GNL3L: variants seen among roughly 807,000 people sequenced by gnomAD.
GNL3L encodes guanine nucleotide-binding protein-like 3-like protein.
Under a neutral mutation model 42.9 loss-of-function variants are expected in GNL3L, and 4 were observed. The observed-to-expected ratio is 0.09, with a 90% CI of 0.05 to 0.21. GNL3L has a LOEUF of 0.21. Ranked by LOEUF, GNL3L falls within the 10% of genes least tolerant of loss-of-function variation. GNL3L has a pLI of 1.00. For synonymous variants in GNL3L, 159 were observed against 176.3 expected (o/e 0.90, Z 0.78); for missense variants, 412 against 481.7 (o/e 0.86, Z 1.36).
In GNL3L at chrX:54,565,479, T is replaced by A. The variant is rs1346657983; in HGVS notation, c.*4877T>A. 1.8e-5 allele frequency among the ~76,000 whole-genome samples: 2 copies of A among 111,716 alleles called. No homozygotes were observed. The highest frequency in any genetic ancestry group is 6.5e-5 in the African/African-American group (2 of 30,759). On this transcript the variant is annotated 3_prime_UTR_variant, in exon 16 of 16. Transcript: ENST00000360845. Reference sequence around the variant, plus strand: ...ACTTGGGGGTGTCAGTTTAGTTTTTTAATTTTTAAATTTTTTAATTTTTTT... The same window carrying A: ...ACTTGGGGGTGTCAGTTTAGTTTTTAAATTTTTAAATTTTTTAATTTTTTT...
intron 15 of GNL3L, among the ~76,000 whole-genome samples, chrX:54,559,247 C>G (rs1043936058): frequency 3.6e-5 from 4 of 111,504 alleles, no homozygotes; most frequent in African/African-American, 9.8e-5. Context: ...AACCACTGGC[C>G]TGCCTAGTCT....
At chrX:54,635,925 T>C in the GNL3L span, among the ~76,000 whole-genome samples, 1 of 111,107 alleles carries the variant, frequency 9.0e-6, no homozygotes, top group Non-Finnish European at 1.9e-5. Flanking sequence ...GTGTGGAGCA[T>C]GCACATGGCT....
the GNL3L span, among the ~76,000 whole-genome samples, chrX:54,637,174 C>G: frequency 1.8e-5 from 2 of 111,583 alleles, no homozygotes; most frequent in Non-Finnish European, 3.8e-5. Flanking sequence ...TTGGAGCTGC[C>G]TACTTCACCA....
At chrX:54,541,139 T>G (rs1443898785) in intron 4 of GNL3L, 134 bp from the exon 5 acceptor site, 1 of 457,045 alleles carries the variant, frequency 2.2e-6, no homozygotes, top group African/African-American at 2.4e-5. Flanking sequence ...TCTCCTGATG[T>G]CATATCTTCC....
intron 4 of GNL3L, 124 bp from the exon 5 acceptor site, chrX:54,541,149 C>T: frequency 4.3e-6 from 2 of 467,928 alleles, no homozygotes; most frequent in East Asian, 7.1e-5. Context: ...TCATATCTTC[C>T]CTCTCCCTGG....
At chrX:54,624,109 C>T (rs144221429), downstream of GNL3L, among the ~76,000 whole-genome samples, 643 of 110,959 alleles carry the variant, frequency 5.8e-3, 6 homozygotes, top group African/African-American at 0.02. Context: ...TTTGGAGAGA[C>T]GGGGTTTTGC....
Position 54,613,203 on chromosome X carries a change from C to T in GNL3L, c.*46-7642C>T, listed in dbSNP as rs867307388. On this transcript the variant is annotated intron_variant, in intron 16 of 16. Coordinates refer to the GNL3L transcript ENST00000674498. Reference sequence around the variant, plus strand: ...TCTTTGAGCTCTGAATTTCTCTCTTCTACTTGTCCGGTTCTATTGCTGAGA... The same window carrying T: ...TCTTTGAGCTCTGAATTTCTCTCTTTTACTTGTCCGGTTCTATTGCTGAGA... Among the ~76,000 whole-genome samples the T allele has an allele frequency of 2.7e-5, 3 of 111,452 alleles. No homozygotes were observed. The Middle Eastern group carries it at 0.014, about 509-fold the overall frequency.
the GNL3L span, among the ~76,000 whole-genome samples, chrX:54,640,826 G>A: frequency 8.9e-6 from 1 of 112,207 alleles, no homozygotes; most frequent in Admixed American, 9.5e-5. Flanking sequence ...TTTAATTTCC[G>A]TATCCTGCAG....
chrX:54,570,535 A>T (rs1222542942), downstream of GNL3L, among the ~76,000 whole-genome samples: 1 of 111,922 alleles, frequency 8.9e-6, no homozygotes, highest in Admixed American at 9.5e-5. Context: ...GGATCCATTT[A>T]CATTTAATGT....
chrX:54,606,984 T>A (rs967720123), intron 16 of GNL3L, among the ~76,000 whole-genome samples: 1 of 77,629 alleles, frequency 1.3e-5, no homozygotes, highest in African/African-American at 1.0e-4. Flanking sequence ...TTTCTTTCTT[T>A]CCTTTCCTTT....
chrX:54,613,865 T>C, intron 16 of GNL3L, among the ~76,000 whole-genome samples: 1 of 109,622 alleles, frequency 9.1e-6, no homozygotes. Context: ...ATTCTTAGCT[T>C]TGTTGGTTTA....
chrX:54,538,595 G>T (rs1468300316), intron 2 of GNL3L, among the ~76,000 whole-genome samples: 1 of 111,727 alleles, frequency 9.0e-6, no homozygotes, highest in Non-Finnish European at 1.9e-5. Flanking sequence ...GGAGGCAATG[G>T]CCTGAGCAGG....
the GNL3L span, among the ~76,000 whole-genome samples, chrX:54,639,384 C>T: frequency 2.7e-5 from 3 of 112,321 alleles, no homozygotes; most frequent in Admixed American, 2.8e-4. Flanking sequence ...CCCGCCCGCC[C>T]GACTCGATTG....
intron 2 of GNL3L, among the ~76,000 whole-genome samples, chrX:54,534,623 G>A (rs964525360): frequency 1.4e-4 from 16 of 111,512 alleles, no homozygotes; most frequent in Non-Finnish European, 2.8e-4. Flanking sequence ...GGCTCAGAGA[G>A]GTTTTAAAAA....
chrX:54,600,071 G>A (rs1000638687), intron 16 of GNL3L, among the ~76,000 whole-genome samples: 2 of 109,033 alleles, frequency 1.8e-5, no homozygotes, highest in Admixed American at 2.0e-4. Context: ...TTATCTTGGT[G>A]TTAGCATCTA....
intron 8 of GNL3L, among the ~76,000 whole-genome samples, chrX:54,545,628 C>T: frequency 8.9e-6 from 1 of 111,776 alleles, no homozygotes; most frequent in Non-Finnish European, 1.9e-5. Context: ...AATATTAATA[C>T]AGAAACTGAT....
intron 14 of GNL3L, among the ~76,000 whole-genome samples, chrX:54,555,557 G>T (rs1451119371): frequency 9.3e-6 from 1 of 107,839 alleles, no homozygotes; most frequent in Non-Finnish European, 1.9e-5. Flanking sequence ...TGCAACCTCC[G>T]CCTCCTGGGT....
chrX:54,542,384 G>T (rs912436661), intron 5 of GNL3L, among the ~76,000 whole-genome samples: 3 of 109,998 alleles, frequency 2.7e-5, no homozygotes, highest in Non-Finnish European at 5.7e-5. Context: ...TGCTGAGAAT[G>T]ATGGTTTCCA....
At chrX:54,582,324 G>A (rs1477130631) in intron 16 of GNL3L, among the ~76,000 whole-genome samples, 2 of 111,640 alleles carry the variant, frequency 1.8e-5, no homozygotes, top group Non-Finnish European at 3.8e-5. Context: ...ATCAGAATTA[G>A]ATGTTGGTGT....
Sources: gnomAD v4.1 joint callset for allele counts (sites outside exome capture counted in the v4.1 genomes callset) on GRCh38, gnomAD v4.1.1 for gene constraint, MANE v1.5 for transcripts, NCBI Gene and HGNC (gene_info 2026-07-23, HGNC 2026-07-21) for gene names.